The following TIMM17A variants were observed in gnomAD, a reference collection of about 807,000 sequenced individuals.
The protein encoded by TIMM17A is translocase of inner mitochondrial membrane 17A, also known as mitochondrial import inner membrane translocase subunit Tim17-A.
In TIMM17A, 15 loss-of-function variants were observed where a neutral mutation model predicts 26.5. The ratio of observed to expected loss-of-function variants is 0.57; its 90% CI spans 0.38 to 0.87. TIMM17A has a LOEUF of 0.87. Ranked by LOEUF, TIMM17A falls within the 40% of genes least tolerant of loss-of-function variation. The pLI is 0.00. For synonymous variants in TIMM17A, 80 were observed against 70.8 expected, an observed-to-expected ratio of 1.13 and a Z score of -0.66; for missense variants, 201 against 210.0, an observed-to-expected ratio of 0.96 and a Z score of 0.27.
chr1:201,958,509 C>T (rs1199471674), intron 3 of TIMM17A, among the ~76,000 whole-genome samples: 1 of 152,230 alleles, frequency 6.6e-6, no homozygotes, highest in Non-Finnish European at 1.5e-5. Flanking sequence ...TCGAGACCAG[C>T]CTGGGCAGCA....
chr1:201,956,806 AT>A (rs1682419604), intron 1 of TIMM17A, among the ~76,000 whole-genome samples: 1 of 151,804 alleles, frequency 6.6e-6, no homozygotes, highest in Non-Finnish European at 1.5e-5. Flanking sequence ...AAATACAAAT[AT>A]TAGCCGGGCG....
Position 201,964,635 on chromosome 1 carries a change from C to CTTTTTTTTTTT in TIMM17A, c.320-777_320-767dup, listed in dbSNP as rs570309464. 4.2e-4 allele frequency among the ~76,000 whole-genome samples: 38 copies of CTTTTTTTTTTT among 90,954 alleles called. 2 individuals carry two copies. Among genetic ancestry groups the CTTTTTTTTTTT allele is most frequent in the Non-Finnish European group, 4.9e-4 (25 of 50,930 alleles). 59.7% of individuals were successfully genotyped at this position (90,954 alleles called of 152,430 possible). A position where few individuals can be genotyped will look rare whatever the true frequency, so the allele number is the denominator to read the frequency against. ...TTTATTTATTTATTTTATTTTATTT[C>CTTTTTTTTTTT]TTTTTTTTTTTTTTTTTTTTTTTTT... On this transcript the variant is annotated intron_variant, in intron 4 of 5. Coordinates refer to ENST00000367287, the MANE Select transcript of TIMM17A (RefSeq NM_006335.3).
At chr1:201,959,259 C>T (rs550554168) in intron 3 of TIMM17A, among the ~76,000 whole-genome samples, 6 of 149,744 alleles carry the variant, frequency 4.0e-5, no homozygotes, top group East Asian at 2.0e-4. Flanking sequence ...AGGAGGCTGA[C>T]GCAGGAGAAT....
intron 5 of TIMM17A, among the ~76,000 whole-genome samples, chr1:201,967,447 G>GT (rs1451863294): frequency 6.6e-6 from 1 of 151,976 alleles, no homozygotes. Context: ...AACTTAAATA[G>GT]TTACATTGTC....
chr1:201,959,944 T>TGAGCCCAGATCACACCACTGTACTC (rs1184721302), intron 3 of TIMM17A, among the ~76,000 whole-genome samples: 1 of 151,730 alleles, frequency 6.6e-6, no homozygotes. Flanking sequence ...AACTTGGCAG[T>TGAGCCCAGATCACACCACTGTACTC]GAGCCCAGAT....
At chr1:201,962,910 AG>A (rs1193837751) in intron 3 of TIMM17A, 2 of 152,280 alleles carry the variant, frequency 1.3e-5, no homozygotes, top group Non-Finnish European at 2.9e-5. Context: ...TAATGCAGAA[AG>A]GCCAAAAATA....
At chr1:201,957,813 T>TTG in intron 3 of TIMM17A, 1 of 445,504 alleles carries the variant, frequency 2.2e-6, no homozygotes, top group Non-Finnish European at 3.9e-6. Context: ...TTTTTTTTTT[T>TTG]TCCTTCTCCA....
chr1:201,961,585 C>T (rs1682531987), intron 3 of TIMM17A, among the ~76,000 whole-genome samples: 1 of 152,102 alleles, frequency 6.6e-6, no homozygotes, highest in Non-Finnish European at 1.5e-5. Context: ...GAAGTGGTAG[C>T]TCACACCTGT....
At chr1:201,960,432 G>A (rs1682504768) in intron 3 of TIMM17A, among the ~76,000 whole-genome samples, 2 of 152,106 alleles carry the variant, frequency 1.3e-5, no homozygotes, top group Admixed American at 1.3e-4. Context: ...TCAATATTGG[G>A]TCATTAGTTG....
At chr1:201,956,912 C>T (rs1432583353) in intron 1 of TIMM17A, among the ~76,000 whole-genome samples, 2 of 149,726 alleles carry the variant, frequency 1.3e-5, no homozygotes, top group Non-Finnish European at 3.0e-5. Flanking sequence ...GCCAAGATTG[C>T]GCCATTGCAC....
chr1:201,969,754 C>T lies in TIMM17A; in HGVS notation c.*200C>T. The T allele has an allele frequency of 4.7e-6, 2 of 428,678 alleles. No individual in the cohort carries two copies. The highest frequency in any genetic ancestry group is 2.0e-5 in the African/African-American group (1 of 49,048). The allele number at this position is 428,678 out of a possible 1,614,324, so 26.6% of individuals were successfully genotyped here. On this transcript the variant is annotated 3_prime_UTR_variant, in exon 6 of 6. Transcript: ENST00000367287. Reference sequence around the variant, plus strand: ...AAGATAATACGTTTATTTATTCACACTTGAATTGCATTTGTGATCAAAATA... The same window carrying T: ...AAGATAATACGTTTATTTATTCACATTTGAATTGCATTTGTGATCAAAATA...
chr1:201,962,076 C>T (rs575938498), intron 3 of TIMM17A: 16 of 152,186 alleles, frequency 1.1e-4, no homozygotes, highest in African/African-American at 3.9e-4. Context: ...ATTCTCCATT[C>T]TCATTAGTAG....
intron 2 of TIMM17A, 26 bp downstream of exon 2, chr1:201,957,406 A>G: frequency 3.1e-6 from 5 of 1,600,468 alleles, no homozygotes; most frequent in Non-Finnish European, 4.3e-6. Context: ...GTCTTATTTT[A>G]TCATCACTTG....
chr1:201,969,330 C>G, intron 5 of TIMM17A, 139 bp from the exon 6 acceptor site: 1 of 663,774 alleles, frequency 1.5e-6, no homozygotes, highest in Non-Finnish European at 2.5e-6. Context: ...TTAGGCAGAT[C>G]TATAAAGAAA....
At chr1:201,967,447 G>A (rs1682654406) in intron 5 of TIMM17A, among the ~76,000 whole-genome samples, 1 of 151,976 alleles carries the variant, frequency 6.6e-6, no homozygotes, top group Non-Finnish European at 1.5e-5. Context: ...AACTTAAATA[G>A]TTACATTGTC....
Position 201,963,608 on chromosome 1 carries a change from TA to T in TIMM17A, c.191-4del. On this transcript the variant is annotated splice_polypyrimidine_tract_variant and splice_region_variant and intron_variant, in intron 3 of 5. Coordinates refer to ENST00000367287, the MANE Select transcript of TIMM17A (RefSeq NM_006335.3). ...AGTATTTGCTTGTTTCTTTTTACAA[TA>T]AAATAGGTAGCTTTGCAGTTTGGGG... The T allele has an allele frequency of 1.3e-6, 2 of 1,593,824 alleles. No homozygotes were observed. Among genetic ancestry groups the T allele is most frequent in the Non-Finnish European group, 1.7e-6 (2 of 1,174,816 alleles).
chr1:201,955,655 C>T, intron 1 of TIMM17A, 103 bp downstream of exon 1: 2 of 1,524,432 alleles, frequency 1.3e-6, no homozygotes, highest in South Asian at 2.3e-5. Context: ...CAACCGCAGC[C>T]TCGTCGACTT....
chr1:201,969,662 C>A lies in TIMM17A; in HGVS notation c.*108C>A. On this transcript the variant is annotated 3_prime_UTR_variant, in exon 6 of 6. Coordinates refer to ENST00000367287, the MANE Select transcript of TIMM17A (RefSeq NM_006335.3). ...AAACCATAGGTGGGACAGCTATGGC[C>A]AATAGGCTATAAAGAGACATTTAGC... 1.1e-6 allele frequency: 1 copy of A among 878,834 alleles called. No individual in the cohort carries two copies. Among genetic ancestry groups the A allele is most frequent in the Non-Finnish European group, 1.9e-6 (1 of 539,164 alleles). The allele number at this position is 878,834 out of a possible 1,614,324, so 54.4% of individuals were successfully genotyped here. A position where few individuals can be genotyped will look rare whatever the true frequency, so the allele number is the denominator to read the frequency against.
intron 3 of TIMM17A, among the ~76,000 whole-genome samples, chr1:201,959,437 C>T (rs767490548): frequency 1.5e-4 from 23 of 152,040 alleles, no homozygotes; most frequent in African/African-American, 2.9e-4. Context: ...GGGTGGATCA[C>T]GAGGTCAGGA....
Sources: gnomAD v4.1 joint callset for allele counts (sites outside exome capture counted in the v4.1 genomes callset) on GRCh38, gnomAD v4.1.1 for gene constraint, MANE v1.5 for transcripts, NCBI Gene and HGNC (gene_info 2026-07-23, HGNC 2026-07-21) for gene names.